The following ADAMTS13 variants were observed in gnomAD, a reference collection of about 807,000 sequenced individuals.
ADAMTS13 encodes the protein A disintegrin and metalloproteinase with thrombospondin motifs 13.
In ADAMTS13, 110 loss-of-function variants were observed where a neutral mutation model predicts 155.1. The observed-to-expected ratio is 0.71, with a 90% CI of 0.61 to 0.83. ADAMTS13 has a LOEUF of 0.83. Among genes scored for constraint, ADAMTS13 ranks in the 40% least tolerant of loss-of-function variants. The pLI, the probability that ADAMTS13 is intolerant of heterozygous loss-of-function variation, is 0.00. For missense variants in ADAMTS13, 1,707 were observed against 1,891.7 expected (o/e 0.90, Z 1.81); for synonymous variants, 758 against 756.4 (o/e 1.00, Z -0.03).
At chr9:133,428,810 G>GCCAGC in intron 7 of ADAMTS13, 39 bp downstream of exon 7, 1 of 1,258,112 alleles carries the variant, frequency 7.9e-7, no homozygotes, top group Non-Finnish European at 1.0e-6. Context: ...CGAGCCTCCA[G>GCCAGC]CCAGCCCGCT....
intron 23 of ADAMTS13, among the ~76,000 whole-genome samples, chr9:133,451,033 G>A (rs1374798990): frequency 1.3e-5 from 2 of 152,230 alleles, no homozygotes; most frequent in African/African-American, 4.8e-5. Flanking sequence ...ACAGAATCAT[G>A]TTCAAGTCCG....
intron 6 of ADAMTS13, among the ~76,000 whole-genome samples, chr9:133,427,170 T>TA (rs1840342961): frequency 6.6e-6 from 1 of 152,228 alleles, no homozygotes; most frequent in Non-Finnish European, 1.5e-5. Flanking sequence ...ATCCCAAACA[T>TA]TATCCCAGGT....
intron 1 of ADAMTS13, among the ~76,000 whole-genome samples, chr9:133,416,846 G>A (rs3124779): frequency 0.46 from 69,538 of 152,078 alleles, 16,316 homozygotes; most frequent in African/African-American, 0.54. Flanking sequence ...ATTGCAACAC[G>A]CATGGCATAG....
Position 133,454,415 on chromosome 9 carries a change from G to A in ADAMTS13, c.3045G>A (p.Arg1015=). ...TCTCTGGGGTCTTCTCTTCCTGCAG[G>A]TGGAAAGTCATGTCCCTTGGCCCAT... ...EACSLEPCPP[R]WKVMSLGPCS... Residue 1015 remains arginine (R), a splice_region_variant and synonymous_variant, in exon 24 of 29, where the codon AGG becomes AGA. Transcript: ENST00000355699. 3 of 1,613,854 alleles carry A rather than the reference G, an allele frequency of 1.9e-6. No individual in the cohort carries two copies. Among genetic ancestry groups the A allele is most frequent in the Non-Finnish European group, 2.5e-6 (3 of 1,180,018 alleles).
Position 133,425,528 on chromosome 9 carries a change from G to C in ADAMTS13, c.331-1G>C, listed in dbSNP as rs786205078. 3.1e-6 allele frequency: 5 copies of C among 1,612,666 alleles called. No individual in the cohort carries two copies. Among genetic ancestry groups the C allele is most frequent in the Non-Finnish European group, 4.2e-6 (5 of 1,179,662 alleles). On this transcript the variant is annotated splice_acceptor_variant, in intron 3 of 28. Transcript: ENST00000355699. LOFTEE classifies it high-confidence loss of function. This position sits in a 1 kb window ranked among gnomAD's most constrained non-coding sequence, Gnocchi z 4.6. ...TACCTCTCTCATCTGCCCTTGCACA[G>C]GGGGCAGAACTGCTTCGGGACCCGT... is the stretch of plus-strand genomic sequence containing the variant.
At position 133,456,976 on chromosome 9, in the gene ADAMTS13, G is replaced by C. The variant is rs1554796283; in HGVS notation, c.3724+257G>C. The C allele has an allele frequency of 1.6e-6, 1 of 614,960 alleles. No homozygotes were observed. The highest frequency in any genetic ancestry group is 1.7e-5 in the South Asian group (1 of 59,504). 38.1% of individuals were successfully genotyped at this position (614,960 alleles called of 1,614,324 possible). The stretch of plus-strand genomic sequence containing the variant: ...ATGTGGGACATGGTCCACATCCTCA[G>C]TCAGTCCCTCAGGCCTCTGCCCCAC... On this transcript the variant is annotated intron_variant, in intron 27 of 28. Coordinates refer to ENST00000355699, the MANE Select transcript of ADAMTS13 (RefSeq NM_139027.6). This position sits in a 1 kb window ranked among gnomAD's most constrained non-coding sequence, Gnocchi z 4.4.
chr9:133,430,356 A>G (rs1220922571), intron 8 of ADAMTS13, among the ~76,000 whole-genome samples: 1 of 152,228 alleles, frequency 6.6e-6, no homozygotes, highest in Non-Finnish European at 1.5e-5. Context: ...CCTGTGCCCA[A>G]GGACTCCTGG....
In ADAMTS13 at chr9:133,445,001, G is replaced by T; in HGVS notation, c.2559G>T (p.Leu853=). The change falls in exon 20 of 29, where the codon CTG becomes CTT. Residue 853 remains leucine, a synonymous_variant. Coordinates refer to ENST00000355699, the MANE Select transcript of ADAMTS13 (RefSeq NM_139027.6). The surrounding 1 kb of genome is among the most constrained non-coding windows in gnomAD (Gnocchi z 5.0). The part of the protein sequence containing the change: ...TEGPGSVDEK[L]PAPEPCVGMS... ...GGCCTGGCTCCGTAGATGAGAAGCT[G>T]CCTGCCCCTGAGCCCTGTGTCGGGA... 3 of 1,613,480 alleles carry T rather than the reference G, an allele frequency of 1.9e-6. No individual in the cohort carries two copies. The highest frequency in any genetic ancestry group is 2.5e-6 in the Non-Finnish European group (3 of 1,180,018).
At chr9:133,439,487 C>G (rs1554790084) in intron 15 of ADAMTS13, 41 bp downstream of exon 15, 1 of 1,548,752 alleles carries the variant, frequency 6.5e-7, no homozygotes, top group Non-Finnish European at 8.9e-7. Context: ...AGCTAGACTG[C>G]AAAGGTGCAG....
chr9:133,435,875 C>T (rs782128373), intron 11 of ADAMTS13, among the ~76,000 whole-genome samples: 4 of 152,106 alleles, frequency 2.6e-5, no homozygotes, highest in Non-Finnish European at 4.4e-5. Context: ...TCCACAGTGC[C>T]TGAACTGTTT....
exon 1 of ADAMTS13, chr9:133,414,486 C>A: frequency 1.4e-6 from 1 of 718,488 alleles, no homozygotes; most frequent in South Asian, 1.5e-5. Flanking sequence ...GAAGCAGGCC[C>A]TGCCTTATCA....
At chr9:133,417,743 T>C (rs587728033), upstream of ADAMTS13, 27 of 1,613,872 alleles carry the variant, frequency 1.7e-5, no homozygotes, top group Admixed American at 2.3e-4. Context: ...AAAACCTTTT[T>C]TTCTTCTTGT....
chr9:133,455,191 G>A (rs1842666008), intron 24 of ADAMTS13, 94 bp from the exon 25 acceptor site: 16 of 1,373,940 alleles, frequency 1.2e-5, no homozygotes, highest in Admixed American at 1.7e-5. Context: ...GCTTGTACAA[G>A]GATTATATTG....
chr9:133,429,821 C>A, intron 7 of ADAMTS13, 118 bp from the exon 8 acceptor site: 2 of 1,347,062 alleles, frequency 1.5e-6, no homozygotes, highest in Non-Finnish European at 2.0e-6. Flanking sequence ...AACTCCTGTT[C>A]CCACTCACAA....
At position 133,428,715 on chromosome 9, in the gene ADAMTS13, C is replaced by T. The variant is rs1340581969; in HGVS notation, c.768C>T (p.Pro256=). Residue 256 remains proline, a synonymous_variant, in exon 7 of 29, where the codon CCC becomes CCT. Coordinates refer to ENST00000355699, the MANE Select transcript of ADAMTS13 (RefSeq NM_139027.6). ...GHVMASDGAA[P]RAGLAWSPCS... ...TGATGGCTTCGGACGGCGCCGCGCC[C>T]CGCGCCGGCCTCGCCTGGTCCCCCT... is the stretch of plus-strand genomic sequence containing the variant. 2 of 1,353,232 alleles carry T rather than the reference C, an allele frequency of 1.5e-6. No individual in the cohort carries two copies. Among genetic ancestry groups the T allele is most frequent in the East Asian group, 6.6e-5 (2 of 30,444 alleles). The allele number at this position is 1,353,232 out of a possible 1,614,324, so 83.8% of individuals were successfully genotyped here. A position where few individuals can be genotyped will look rare whatever the true frequency, so the allele number is the denominator to read the frequency against.
rs782307600 is a variant in ADAMTS13 at position 133,455,302 on chromosome 9, G to T, written c.3267G>T (p.Gly1089=). ...CTTGGCAGTGCTCTGTTTCCTGTGGGGATGGCATCCAGCGCCGGCGTGACA... is the reference window on the plus strand; with the variant it reads ...CTTGGCAGTGCTCTGTTTCCTGTGGTGATGGCATCCAGCGCCGGCGTGACA... ...GTWMECSVSC[G]DGIQRRRDTC... The change falls in exon 25 of 29, where the codon GGG becomes GGT. Residue 1089 remains glycine (G), a synonymous_variant. Coordinates refer to ENST00000355699, the MANE Select transcript of ADAMTS13 (RefSeq NM_139027.6). 1 of 1,603,406 alleles carries T rather than the reference G, an allele frequency of 6.2e-7. No individual in the cohort carries two copies. Among genetic ancestry groups the T allele is most frequent in the South Asian group, 1.1e-5 (1 of 91,082 alleles).
rs1554781143 is a variant in ADAMTS13 at position 133,414,739 on chromosome 9, AT to A, written n.287+96del. ...CGATGTCCCCTCGTTCTGGAACAAT[AT>A]CACCATTTGTCCTTTCCTTGGTTCC... On this transcript the variant is annotated intron_variant and non_coding_transcript_variant, in intron 1 of 17. Coordinates refer to the ADAMTS13 transcript ENST00000485925. The A allele has an allele frequency of 2.5e-6, 4 of 1,613,980 alleles. No individual in the cohort carries two copies. In the African/African-American group the frequency reaches 5.3e-5, roughly 22 times the overall value.
intron 28 of ADAMTS13, among the ~76,000 whole-genome samples, chr9:133,458,381 C>G (rs587757082): frequency 6.6e-6 from 1 of 151,992 alleles, no homozygotes; most frequent in African/African-American, 2.4e-5. Flanking sequence ...CATGATGAAA[C>G]CTTGTCTCTA....
intron 19 of ADAMTS13, among the ~76,000 whole-genome samples, chr9:133,443,829 G>T (rs961031283): frequency 1.3e-5 from 2 of 152,092 alleles, no homozygotes; most frequent in African/African-American, 2.4e-5. Context: ...GGGGAGGGGG[G>T]GCTTCGAGGA....
Sources: gnomAD v4.1 joint callset for allele counts (sites outside exome capture counted in the v4.1 genomes callset) on GRCh38, gnomAD v4.1.1 for gene constraint, Gnocchi (gnomAD v3.1) non-coding constraint, MANE v1.5 for transcripts, NCBI Gene and HGNC (gene_info 2026-07-23, HGNC 2026-07-21) for gene names.